GLRA2: variants seen among roughly 807,000 people sequenced by gnomAD.
GLRA2 encodes glycine receptor alpha 2.
In GLRA2, 11 loss-of-function variants were observed where a neutral mutation model predicts 31.6. The observed-to-expected ratio is 0.35, with a 90% confidence interval of 0.22 to 0.58. GLRA2 has a LOEUF of 0.58. Among genes scored for constraint, GLRA2 ranks in the 20% least tolerant of loss-of-function variants. The pLI is 0.84. For missense variants in GLRA2, 212 were observed against 351.8 expected, an observed-to-expected ratio of 0.60 and a Z score of 3.18; for synonymous variants, 132 against 134.0, an observed-to-expected ratio of 0.99 and a Z score of 0.10.
chrX:14,603,072 C>T (rs968227173), intron 4 of GLRA2, among the ~76,000 whole-genome samples: 1 of 102,250 alleles, frequency 9.8e-6, no homozygotes, highest in Admixed American at 1.1e-4. Flanking sequence ...CACATCCATG[C>T]CAACATCTAT....
At chrX:14,612,479 T>C (rs1274108885) in intron 7 of GLRA2, among the ~76,000 whole-genome samples, 1 of 111,566 alleles carries the variant, frequency 9.0e-6, no homozygotes, top group Non-Finnish European at 1.9e-5. Flanking sequence ...ACTGGGCATA[T>C]AACCAAAGGA....
intron 3 of GLRA2, among the ~76,000 whole-genome samples, chrX:14,579,035 T>G (rs186487998): frequency 3.6e-5 from 4 of 112,222 alleles, no homozygotes; most frequent in African/African-American, 1.3e-4. Context: ...TCTAGCTCCC[T>G]CAAATCCTTC....
chrX:14,515,930 C>G, the GLRA2 span, among the ~76,000 whole-genome samples: 1 of 111,837 alleles, frequency 8.9e-6, no homozygotes, highest in African/African-American at 3.2e-5. Context: ...TTGCTTCTAT[C>G]AGAGATACTT....
At chrX:14,504,444 C>T in the GLRA2 span, among the ~76,000 whole-genome samples, 4 of 111,156 alleles carry the variant, frequency 3.6e-5, no homozygotes, top group East Asian at 1.1e-3. Context: ...GAAAAAGAAC[C>T]TGTCTGGGAT....
chrX:14,603,955 T>A (rs1469137769), intron 4 of GLRA2, among the ~76,000 whole-genome samples: 1 of 111,096 alleles, frequency 9.0e-6, no homozygotes, highest in African/African-American at 3.3e-5. Flanking sequence ...AAACTTTATA[T>A]CTTTTGGACA....
chrX:14,461,059 T>C, the GLRA2 span, among the ~76,000 whole-genome samples: 2 of 112,034 alleles, frequency 1.8e-5, no homozygotes, highest in African/African-American at 3.2e-5. Context: ...GTACATTGTG[T>C]ATTTGTTCTC....
the GLRA2 span, among the ~76,000 whole-genome samples, chrX:14,459,899 C>T: frequency 8.9e-6 from 1 of 112,092 alleles, no homozygotes; most frequent in Non-Finnish European, 1.9e-5. Context: ...CAAGAACGTC[C>T]AATACTGTGT....
At chrX:14,596,532 C>A in intron 4 of GLRA2, among the ~76,000 whole-genome samples, 1 of 110,531 alleles carries the variant, frequency 9.0e-6, no homozygotes, top group East Asian at 2.9e-4. Context: ...CTGTCCTACC[C>A]TAATGTCGAG....
intron 7 of GLRA2, among the ~76,000 whole-genome samples, chrX:14,620,750 A>G (rs1208985577): frequency 3.6e-5 from 4 of 111,651 alleles, no homozygotes; most frequent in Non-Finnish European, 5.7e-5. Flanking sequence ...GGTCTCATAA[A>G]ATCTTAGAGT....
chrX:14,529,420 CTT>C (rs1247748718), upstream of GLRA2: 1 of 110,366 alleles, frequency 9.1e-6, no homozygotes, highest in African/African-American at 3.3e-5. Context: ...CACGTCCCCT[CTT>C]GAATGCTTTT....
chrX:14,578,912 A>T (rs2089985979), intron 3 of GLRA2, among the ~76,000 whole-genome samples: 1 of 112,066 alleles, frequency 8.9e-6, no homozygotes, highest in Admixed American at 9.4e-5. Context: ...GGATGCTGGA[A>T]CACTATCCAT....
the GLRA2 span, among the ~76,000 whole-genome samples, chrX:14,493,709 A>ATACATATACACGTGTATATGTATACACG: frequency 2.2e-5 from 2 of 90,792 alleles, no homozygotes; most frequent in African/African-American, 1.1e-4. Context: ...ATGTATACAC[A>ATACATATACACGTGTATATGTATACACG]TGTATACATA....
chrX:14,729,362 A>G (rs1438840095), intron 8 of GLRA2, among the ~76,000 whole-genome samples: 1 of 110,179 alleles, frequency 9.1e-6, no homozygotes, highest in Non-Finnish European at 1.9e-5. Context: ...CACCTTTTCA[A>G]CCCCACCGTT....
At chrX:14,524,824 T>C (rs2089182614), upstream of GLRA2, among the ~76,000 whole-genome samples, 1 of 110,574 alleles carries the variant, frequency 9.0e-6, no homozygotes, top group Non-Finnish European at 1.9e-5. Context: ...AACATAATTA[T>C]TAAAGTAGTT....
intron 2 of GLRA2, among the ~76,000 whole-genome samples, chrX:14,571,916 G>GT (rs1243503075): frequency 9.0e-6 from 1 of 111,585 alleles, no homozygotes; most frequent in African/African-American, 3.3e-5. Context: ...GAAAGTTTAG[G>GT]TTTTTGGAAT....
At chrX:14,587,407 C>T (rs1025149358) in intron 4 of GLRA2, among the ~76,000 whole-genome samples, 3 of 112,297 alleles carry the variant, frequency 2.7e-5, no homozygotes, top group African/African-American at 9.7e-5. Context: ...TACATTCCCA[C>T]CAACAGTTTG....
intron 7 of GLRA2, among the ~76,000 whole-genome samples, chrX:14,647,889 C>T (rs748383159): frequency 8.9e-6 from 1 of 111,899 alleles, no homozygotes; most frequent in Non-Finnish European, 1.9e-5. Flanking sequence ...TTAAGTGTTG[C>T]AATGGATATG....
chrX:14,562,148 G>C (rs2089741595), intron 2 of GLRA2, among the ~76,000 whole-genome samples: 1 of 112,260 alleles, frequency 8.9e-6, no homozygotes, highest in African/African-American at 3.2e-5. Flanking sequence ...GAGAAAGGGA[G>C]GGTGACATCA....
At position 14,581,364 on chromosome X, in the gene GLRA2, T is replaced by C; in HGVS notation, c.452T>C (p.Leu151Ser). ...NFHDVTTDNK[L>S]LRISKNGKVL... ...CACGATGTCACCACTGACAACAAAT[T>C]GCTACGGATTTCGAAAAATGGCAAA... Residue 151 changes from leucine to serine, a missense_variant, in exon 4 of 9, where the codon TTG becomes TCG. Transcript: ENST00000218075. The C allele has an allele frequency of 8.3e-7, 1 of 1,203,722 alleles. No individual in the cohort carries two copies. The highest frequency in any genetic ancestry group is 1.1e-6 in the Non-Finnish European group (1 of 888,249).
Sources: gnomAD v4.1 joint callset for allele counts (sites outside exome capture counted in the v4.1 genomes callset) on GRCh38, gnomAD v4.1.1 for gene constraint, MANE v1.5 for transcripts, NCBI Gene and HGNC (gene_info 2026-07-23, HGNC 2026-07-21) for gene names.